Variants in TMEM116 observed in about 807,000 individuals in gnomAD.
The protein encoded by TMEM116 is transmembrane protein 116.
In TMEM116, 38 loss-of-function variants were observed where a neutral mutation model predicts 44.3. That is an observed-to-expected ratio of 0.86 (90% CI 0.66 to 1.12). The LOEUF (loss-of-function observed/expected upper bound fraction) is 1.12, where lower values mean the gene tolerates loss of function less well. Ranked by LOEUF, TMEM116 falls within the 50% of genes most tolerant of loss-of-function variation. TMEM116 has a pLI of 0.00. For synonymous variants in TMEM116, 132 were observed against 144.8 expected, an observed-to-expected ratio of 0.91 and a Z score of 0.64; for missense variants, 354 against 401.7, an observed-to-expected ratio of 0.88 and a Z score of 1.01.
chr12:111,965,973 T>C (rs1017500346), intron 4 of TMEM116, among the ~76,000 whole-genome samples: 6 of 151,106 alleles, frequency 4.0e-5, no homozygotes, highest in Admixed American at 3.3e-4. Context: ...AAAATTAAGA[T>C]AAAGATCCAT....
chr12:112,002,937 C>T (rs1315518172), intron 3 of TMEM116, among the ~76,000 whole-genome samples: 4 of 152,156 alleles, frequency 2.6e-5, no homozygotes, highest in African/African-American at 9.7e-5. Context: ...GATCTGTTTA[C>T]TAAGCTAGAA....
intron 3 of TMEM116, among the ~76,000 whole-genome samples, chr12:111,999,489 G>A (rs964462376): frequency 3.3e-5 from 5 of 151,780 alleles, no homozygotes; most frequent in East Asian, 1.9e-4. Context: ...CCAGCTACTC[G>A]GGAGGCTGAG....
chr12:111,967,932 GAA>G (rs1212340447), intron 4 of TMEM116, among the ~76,000 whole-genome samples: 3 of 152,070 alleles, frequency 2.0e-5, no homozygotes, highest in Admixed American at 1.3e-4. Context: ...TTACCTCCTA[GAA>G]AAAGTTTTTA....
chr12:111,953,192 T>TGA (rs1382533411), intron 4 of TMEM116, among the ~76,000 whole-genome samples: 1 of 152,206 alleles, frequency 6.6e-6, no homozygotes, highest in Non-Finnish European at 1.5e-5. Flanking sequence ...ACTTACCCTG[T>TGA]GAGCCACTCC....
At chr12:111,960,757 A>G (rs1353800987) in intron 4 of TMEM116, among the ~76,000 whole-genome samples, 2 of 152,146 alleles carry the variant, frequency 1.3e-5, no homozygotes, top group Non-Finnish European at 2.9e-5. Flanking sequence ...TAATATCACA[A>G]TGAAAAGAAC....
intron 5 of TMEM116, among the ~76,000 whole-genome samples, chr12:111,940,523 G>GTATATGTGTATATATA (rs1555207420): frequency 9.5e-6 from 1 of 104,952 alleles, no homozygotes; most frequent in East Asian, 6.6e-4. Flanking sequence ...ATATATATGT[G>GTATATGTGTATATATA]TATATATATA....
intron 3 of TMEM116, chr12:111,993,727 C>A: frequency 1.5e-6 from 1 of 650,424 alleles, no homozygotes; most frequent in Non-Finnish European, 3.0e-6. Context: ...GTTTGTGGTT[C>A]GGAAGCCCTG....
intron 4 of TMEM116, among the ~76,000 whole-genome samples, chr12:111,983,931 A>AAT (rs1232113353): frequency 1.2e-4 from 18 of 152,216 alleles, no homozygotes; most frequent in African/African-American, 4.1e-4. Flanking sequence ...TCAACAAAAT[A>AAT]GTAGCAAACA....
At chr12:111,944,004 G>A (rs2073060914) in intron 4 of TMEM116, among the ~76,000 whole-genome samples, 1 of 151,988 alleles carries the variant, frequency 6.6e-6, no homozygotes, top group African/African-American at 2.4e-5. Flanking sequence ...TAATTGAAAA[G>A]GCAATAAGGA....
intron 4 of TMEM116, among the ~76,000 whole-genome samples, chr12:111,984,482 G>C (rs2076115852): frequency 6.6e-6 from 1 of 151,990 alleles, no homozygotes; most frequent in Non-Finnish European, 1.5e-5. Context: ...AATATATATA[G>C]TAATGGGTAC....
chr12:111,957,685 G>A (rs561382235), intron 4 of TMEM116, among the ~76,000 whole-genome samples: 31 of 151,048 alleles, frequency 2.1e-4, no homozygotes, highest in South Asian at 1.1e-3. Context: ...CCGCCGTCCC[G>A]TCTGGGAGGT....
chr12:111,968,947 C>T (rs1482084505), intron 4 of TMEM116, among the ~76,000 whole-genome samples: 1 of 135,182 alleles, frequency 7.4e-6, no homozygotes, highest in African/African-American at 2.8e-5. Flanking sequence ...GAGCCCACGT[C>T]GTGTCACTGC....
intron 8 of TMEM116, chr12:111,936,488 C>A: frequency 1.9e-6 from 1 of 520,066 alleles, no homozygotes; most frequent in South Asian, 3.3e-5. Context: ...TAAATACAAG[C>A]TCTTTTCTCT....
At chr12:111,981,080 G>T (rs1232025443) in intron 4 of TMEM116, among the ~76,000 whole-genome samples, 1 of 145,492 alleles carries the variant, frequency 6.9e-6, no homozygotes, top group Non-Finnish European at 1.5e-5. Context: ...AAAAAAAAAA[G>T]AAACTTATCA....
chr12:111,941,581 A>G (rs12299187), intron 5 of TMEM116, among the ~76,000 whole-genome samples: 2,624 of 152,278 alleles, frequency 0.017, 85 homozygotes, highest in African/African-American at 0.058. Context: ...ACATATAGCT[A>G]GTAGCTACTG....
At chr12:111,978,956 C>G (rs894829216) in intron 4 of TMEM116, among the ~76,000 whole-genome samples, 5 of 152,150 alleles carry the variant, frequency 3.3e-5, no homozygotes, top group African/African-American at 9.7e-5. Context: ...AAGTGTTAGA[C>G]TTATAGACAT....
intron 4 of TMEM116, among the ~76,000 whole-genome samples, chr12:111,989,994 G>A (rs1487367679): frequency 6.6e-6 from 1 of 152,126 alleles, no homozygotes; most frequent in Non-Finnish European, 1.5e-5. Flanking sequence ...AGTGGTTCAC[G>A]CCTGTAATCC....
intron 4 of TMEM116, among the ~76,000 whole-genome samples, chr12:111,988,024 TACA>T (rs1240859909): frequency 6.6e-6 from 1 of 152,176 alleles, no homozygotes; most frequent in Non-Finnish European, 1.5e-5. Flanking sequence ...TGACACATGC[TACA>T]ACAAGATAAA....
chr12:112,008,086 G>A lies in TMEM116; in HGVS notation c.-33-2783C>T, dbSNP rs1007096886. 4.6e-5 allele frequency among the ~76,000 whole-genome samples: 7 copies of A among 152,292 alleles called. No individual in the cohort carries two copies. In the South Asian group the frequency reaches 8.3e-4, roughly 18 times the overall value. ...TGGTCCCAGCTACTCAGCAGGCTGCGGCAGGAGGATCTCTTGAGGCTGAGG... is the reference window on the plus strand; with the variant it reads ...TGGTCCCAGCTACTCAGCAGGCTGCAGCAGGAGGATCTCTTGAGGCTGAGG... On this transcript the variant is annotated intron_variant, in intron 1 of 10. Coordinates refer to ENST00000552374, the MANE Select transcript of TMEM116 (RefSeq NM_001193531.2).
Sources: allele counts gnomAD v4.1 joint callset (sites outside exome capture counted in the v4.1 genomes callset), GRCh38; gene constraint gnomAD v4.1.1; transcripts MANE v1.5; gene names NCBI Gene and HGNC (gene_info 2026-07-23, HGNC 2026-07-21).